Variants in DNAJC11 observed in about 807,000 individuals in gnomAD.
DNAJC11 encodes the protein DnaJ heat shock protein family (Hsp40) member C11, also known as dnaJ homolog subfamily C member 11.
DNAJC11 carries 15 observed loss-of-function variants against 78.6 expected under a neutral mutation model. The observed-to-expected ratio is 0.19, with a 90% CI of 0.13 to 0.29. DNAJC11 has a LOEUF of 0.29. Among genes scored for constraint, DNAJC11 ranks in the 10% least tolerant of loss-of-function variants. The pLI is 1.00. For synonymous variants in DNAJC11, 292 were observed against 272.1 expected, an observed-to-expected ratio of 1.07 and a Z score of -0.72; for missense variants, 547 against 709.6, an observed-to-expected ratio of 0.77 and a Z score of 2.60.
intron 3 of DNAJC11, among the ~76,000 whole-genome samples, chr1:6,674,941 T>C (rs1197644774): frequency 6.6e-6 from 1 of 152,132 alleles, no homozygotes; most frequent in Non-Finnish European, 1.5e-5. Flanking sequence ...AAATATGTGG[T>C]AAATGGATAC....
chr1:6,691,562 T>C (rs1403731584), intron 1 of DNAJC11, among the ~76,000 whole-genome samples: 1 of 152,244 alleles, frequency 6.6e-6, no homozygotes, highest in Admixed American at 6.5e-5. Flanking sequence ...CCTGACCTTA[T>C]ACCTTCTGTC....
In DNAJC11 at chr1:6,653,276, A is replaced by G. The variant is rs181085452; in HGVS notation, c.508-325T>C. ...GTGTGCCTTCCCTCTGTGGTTTGCC[A>G]TCAGGGTTCCAGGGGGACTGAAGAC... On this transcript the variant is annotated intron_variant, in intron 5 of 15. Coordinates refer to ENST00000377577, the MANE Select transcript of DNAJC11 (RefSeq NM_018198.4). This position sits in a 1 kb window ranked among gnomAD's most constrained non-coding sequence, Gnocchi z 4.5. 8.5e-5 allele frequency among the ~76,000 whole-genome samples: 13 copies of G among 152,332 alleles called. No homozygotes were observed. Among genetic ancestry groups the G allele is most frequent in the African/African-American group, 3.1e-4 (13 of 41,580 alleles).
intron 4 of DNAJC11, among the ~76,000 whole-genome samples, chr1:6,659,240 C>T (rs904567844): frequency 1.4e-5 from 2 of 142,926 alleles, no homozygotes; most frequent in Non-Finnish European, 2.9e-5. Flanking sequence ...TCTTCAACTC[C>T]TACTAATGTC....
chr1:6,690,385 G>A lies in DNAJC11; in HGVS notation c.73-9348C>T, dbSNP rs566361113. 2.6e-5 allele frequency among the ~76,000 whole-genome samples: 4 copies of A among 152,220 alleles called. No homozygotes were observed. The South Asian group carries it at 6.3e-4, about 24-fold the overall frequency. On this transcript the variant is annotated intron_variant, in intron 1 of 15. Transcript: ENST00000377577. The stretch of plus-strand genomic sequence containing the variant: ...CACTTCATTCCCACAAAAGCTCTAC[G>A]ACAGTAAAACTGTCTGGATTTTCTG...
intron 9 of DNAJC11, 50 bp from the exon 10 acceptor site, chr1:6,644,724 A>G: frequency 6.7e-7 from 1 of 1,498,560 alleles, no homozygotes; most frequent in Non-Finnish European, 9.3e-7. Flanking sequence ...TCATCACTTC[A>G]GGGGCAGCTG....
intron 10 of DNAJC11, 94 bp downstream of exon 10, chr1:6,644,464 A>G: frequency 3.2e-6 from 3 of 944,452 alleles, no homozygotes; most frequent in Non-Finnish European, 5.2e-6. Flanking sequence ...ACAAAATTAC[A>G]ATGCAAAGGC....
chr1:6,679,959 C>T (rs1642528518), intron 2 of DNAJC11, among the ~76,000 whole-genome samples: 1 of 152,188 alleles, frequency 6.6e-6, no homozygotes, highest in Non-Finnish European at 1.5e-5. Flanking sequence ...CGACTGTACA[C>T]ATTTATCACA....
At chr1:6,690,590 GC>G (rs1557489198) in intron 1 of DNAJC11, among the ~76,000 whole-genome samples, 1 of 152,172 alleles carries the variant, frequency 6.6e-6, no homozygotes, top group Non-Finnish European at 1.5e-5. Context: ...GCTTAAACAC[GC>G]AAGGGGTGGG....
At chr1:6,637,539 T>A in intron 12 of DNAJC11, 35 bp from the exon 13 acceptor site, 1 of 1,611,822 alleles carries the variant, frequency 6.2e-7, no homozygotes. Flanking sequence ...GTCAGGGCCC[T>A]GCCAGGCCTG....
chr1:6,697,194 C>T (rs1314542522), intron 1 of DNAJC11, among the ~76,000 whole-genome samples: 1 of 152,186 alleles, frequency 6.6e-6, no homozygotes, highest in Admixed American at 6.5e-5. Flanking sequence ...GCAGGCACGA[C>T]AGATGATGGC....
At chr1:6,697,436 T>C (rs1199591690) in intron 1 of DNAJC11, among the ~76,000 whole-genome samples, 2 of 151,910 alleles carry the variant, frequency 1.3e-5, no homozygotes, top group Non-Finnish European at 2.9e-5. Flanking sequence ...ATTAGTCAAA[T>C]TCTCATAAAG....
At position 6,680,998 on chromosome 1, in the gene DNAJC11, A is replaced by G; in HGVS notation, c.112T>C (p.Cys38Arg). Residue 38 changes from cysteine (C) to arginine (R), a missense_variant, in exon 2 of 16, where the codon TGT becomes CGT. Cys to Arg is a radical substitution (Grantham distance 180, BLOSUM62 -3). Coordinates refer to ENST00000377577, the MANE Select transcript of DNAJC11 (RefSeq NM_018198.4). This position sits in a 1 kb window ranked among gnomAD's most constrained non-coding sequence, Gnocchi z 4.0. ...EELKAAYRRL[C>R]MLYHPDKHRD... is the part of the protein sequence containing the mutation. ...TGCTTGTCTGGATGGTAGAGCATAC[A>G]GAGCCTCCGGTAGGCAGCTTTCAGC... The G allele has an allele frequency of 6.2e-7, 1 of 1,614,072 alleles. No homozygotes were observed. Among genetic ancestry groups the G allele is most frequent in the Non-Finnish European group, 8.5e-7 (1 of 1,179,932 alleles).
In DNAJC11 at chr1:6,645,799, A is replaced by G; in HGVS notation, c.884T>C (p.Val295Ala). 6.2e-7 allele frequency: 1 copy of G among 1,613,964 alleles called. No individual in the cohort carries two copies. The highest frequency in any genetic ancestry group is 1.1e-5 in the South Asian group (1 of 91,084). Residue 295 changes from valine to alanine, a missense_variant, in exon 8 of 16, where the codon GTG becomes GCG. Transcript: ENST00000377577. The surrounding 1 kb of genome is among the most constrained non-coding windows in gnomAD (Gnocchi z 4.1). The part of the protein sequence containing the change: ...VRDTKTSHFT[V>A]ALQLGIPHSF... ...GGCTGCTCGGCTCACCTGCAGGGCC[A>G]CAGTGAAGTGGCTGGTTTTAGTGTC...
chr1:6,634,929 A>G lies in DNAJC11; in HGVS notation c.*746T>C. The G allele has an allele frequency of 8.8e-7, 1 of 1,138,410 alleles. No homozygotes were observed. The allele number at this position is 1,138,410 out of a possible 1,614,324, so 70.5% of individuals were successfully genotyped here. ...GGTGGGTGGTGCAGGCGGTGGAGGG[A>G]CACAGGCCAGCTCAAGCCCGCTGGT... On this transcript the variant is annotated 3_prime_UTR_variant, in exon 16 of 16. Coordinates refer to ENST00000377577, the MANE Select transcript of DNAJC11 (RefSeq NM_018198.4).
At chr1:6,685,397 G>GT (rs1427171339) in intron 1 of DNAJC11, among the ~76,000 whole-genome samples, 1 of 152,214 alleles carries the variant, frequency 6.6e-6, no homozygotes, top group African/African-American at 2.4e-5. Context: ...GTTACAGGAT[G>GT]TGTGATGATC....
chr1:6,639,517 A>T (rs577785970), intron 11 of DNAJC11, among the ~76,000 whole-genome samples: 1 of 151,896 alleles, frequency 6.6e-6, no homozygotes, highest in Non-Finnish European at 1.5e-5. Context: ...TTTTTAGTAG[A>T]GACAGGGTTT....
rs570925282 is a variant in DNAJC11, at chr1:6,691,578, T to A, written c.72+10151A>T. Reference sequence around the variant, plus strand: ...CTGACCTTATACCTTCTGTCATTCGTGTTCATCCGTTATACCCTGCCTACT... The same window carrying A: ...CTGACCTTATACCTTCTGTCATTCGAGTTCATCCGTTATACCCTGCCTACT... On this transcript the variant is annotated intron_variant, in intron 1 of 15. Transcript: ENST00000377577. Among the ~76,000 whole-genome samples the A allele has an allele frequency of 2.6e-5, 4 of 152,338 alleles. No homozygotes were observed. In the South Asian group the frequency reaches 8.3e-4, roughly 32 times the overall value.
At chr1:6,648,591 G>A (rs776181847) in intron 7 of DNAJC11, among the ~76,000 whole-genome samples, 7 of 152,120 alleles carry the variant, frequency 4.6e-5, no homozygotes, top group Non-Finnish European at 1.0e-4. Flanking sequence ...CAAGTAGCTG[G>A]GATTACAGGT....
chr1:6,667,475 C>T (rs915198237), intron 4 of DNAJC11, among the ~76,000 whole-genome samples: 3 of 152,236 alleles, frequency 2.0e-5, no homozygotes, highest in Admixed American at 6.5e-5. Flanking sequence ...CTGGTTTTGT[C>T]TTCCCTCCAC....
Sources: gnomAD v4.1 joint callset for allele counts (sites outside exome capture counted in the v4.1 genomes callset) on GRCh38, gnomAD v4.1.1 for gene constraint, Gnocchi (gnomAD v3.1) non-coding constraint, MANE v1.5 for transcripts, NCBI Gene and HGNC (gene_info 2026-07-23, HGNC 2026-07-21) for gene names.